The following BCL2 variants were observed in gnomAD, a reference collection of about 807,000 sequenced individuals.
BCL2 encodes BCL2 apoptosis regulator.
Under a neutral mutation model 14.2 loss-of-function variants are expected in BCL2, and 1 was observed. The observed-to-expected ratio is 0.07, with a 90% confidence interval of 0.02 to 0.33. The LOEUF (loss-of-function observed/expected upper bound fraction) is 0.33, where lower values mean the gene tolerates loss of function less well. Among genes scored for constraint, BCL2 ranks in the 10% least tolerant of loss-of-function variants. The pLI is 0.99. For synonymous variants in BCL2, 151 were observed against 137.2 expected (o/e 1.10, Z -0.70); for missense variants, 247 against 305.9 (o/e 0.81, Z 1.44).
chr18:63,263,608 C>T (rs1340108678), intron 2 of BCL2, among the ~76,000 whole-genome samples: 4 of 152,244 alleles, frequency 2.6e-5, no homozygotes, highest in African/African-American at 9.6e-5. Flanking sequence ...TTACTCTTCA[C>T]TGGAAGCAGT....
chr18:63,242,030 A>C (rs2144193650), intron 2 of BCL2, among the ~76,000 whole-genome samples: 1 of 152,316 alleles, frequency 6.6e-6, no homozygotes, highest in South Asian at 2.1e-4. Flanking sequence ...ACATTTTGTG[A>C]GATGGGTGAC....
At chr18:63,234,315 C>A (rs1349792825) in intron 2 of BCL2, among the ~76,000 whole-genome samples, 1 of 152,176 alleles carries the variant, frequency 6.6e-6, no homozygotes, top group Non-Finnish European at 1.5e-5. Context: ...TGTTCAGCTC[C>A]CACTTATAAG....
intron 2 of BCL2, among the ~76,000 whole-genome samples, chr18:63,310,842 T>C (rs894965751): frequency 6.6e-6 from 1 of 152,224 alleles, no homozygotes; most frequent in Non-Finnish European, 1.5e-5. Flanking sequence ...ACTTTAATGT[T>C]TAGTAAGTGG....
intron 2 of BCL2, among the ~76,000 whole-genome samples, chr18:63,261,205 A>T (rs2144224286): frequency 6.6e-6 from 1 of 152,238 alleles, no homozygotes; most frequent in African/African-American, 2.4e-5. Flanking sequence ...AAAGAATCCA[A>T]CCCATCCCAG....
chr18:63,193,019 A>T (rs1016704184), intron 2 of BCL2, among the ~76,000 whole-genome samples: 1 of 152,240 alleles, frequency 6.6e-6, no homozygotes, highest in African/African-American at 2.4e-5. Context: ...GAAATGTCAC[A>T]CTCAACCATT....
intron 2 of BCL2, among the ~76,000 whole-genome samples, chr18:63,250,724 T>G (rs1911286661): frequency 6.6e-6 from 1 of 152,218 alleles, no homozygotes; most frequent in Non-Finnish European, 1.5e-5. Flanking sequence ...TTGCTGTCTT[T>G]TGAAGAATTT....
intron 2 of BCL2, among the ~76,000 whole-genome samples, chr18:63,161,054 T>G (rs1599216652): frequency 6.6e-6 from 1 of 152,148 alleles, no homozygotes; most frequent in African/African-American, 2.4e-5. Flanking sequence ...TTTAAATCAC[T>G]TTTCCAAAAT....
At chr18:63,214,527 G>A (rs1378046917) in intron 2 of BCL2, among the ~76,000 whole-genome samples, 1 of 152,132 alleles carries the variant, frequency 6.6e-6, no homozygotes, top group African/African-American at 2.4e-5. Flanking sequence ...AAAGTCACCT[G>A]TGATGTGTTG....
chr18:63,142,228 G>T (rs72941359), intron 2 of BCL2, among the ~76,000 whole-genome samples: 7,724 of 152,326 alleles, frequency 0.051, 300 homozygotes, highest in Non-Finnish European at 0.077. Flanking sequence ...CTGGAGGAGG[G>T]TATGTAGAAG....
In BCL2 at chr18:63,258,168, G is replaced by T. The variant is rs61085928; in HGVS notation, c.585+59914C>A. 8.9e-3 allele frequency among the ~76,000 whole-genome samples: 1,361 copies of T among 152,098 alleles called. 21 individuals carry two copies. The highest frequency in any genetic ancestry group is 0.031 in the African/African-American group (1,306 of 41,496). On this transcript the variant is annotated intron_variant, in intron 2 of 2. Coordinates refer to ENST00000333681, the MANE Select transcript of BCL2 (RefSeq NM_000633.3). ...GGCACTTCCAGGAGCTGGAAGAGGTGGGGGGTGGATCCCCCTGAGCCTTCA... is the reference window on the plus strand; with the variant it reads ...GGCACTTCCAGGAGCTGGAAGAGGTTGGGGGTGGATCCCCCTGAGCCTTCA...
At chr18:63,156,604 C>T (rs137873334) in intron 2 of BCL2, among the ~76,000 whole-genome samples, 2 of 152,152 alleles carry the variant, frequency 1.3e-5, no homozygotes, top group South Asian at 2.1e-4. Flanking sequence ...ACTGCAAGAA[C>T]GTCCCACCCT....
At chr18:63,227,507 G>A (rs1396722029) in intron 2 of BCL2, among the ~76,000 whole-genome samples, 1 of 152,164 alleles carries the variant, frequency 6.6e-6, no homozygotes, top group Non-Finnish European at 1.5e-5. Context: ...ACCACGCCCA[G>A]CTCTCAAATA....
intron 2 of BCL2, among the ~76,000 whole-genome samples, chr18:63,252,089 A>C (rs1435915902): frequency 6.6e-6 from 1 of 152,222 alleles, no homozygotes; most frequent in African/African-American, 2.4e-5. Context: ...AGAAGCCACA[A>C]GGATAGAATT....
intron 2 of BCL2, among the ~76,000 whole-genome samples, chr18:63,222,868 C>T (rs1210045584): frequency 6.6e-6 from 1 of 152,098 alleles, no homozygotes; most frequent in Non-Finnish European, 1.5e-5. Context: ...ACAACCAATT[C>T]CAGGATTGTT....
At chr18:63,233,701 G>A (rs1484922568) in intron 2 of BCL2, among the ~76,000 whole-genome samples, 1 of 152,088 alleles carries the variant, frequency 6.6e-6, no homozygotes, top group Non-Finnish European at 1.5e-5. Context: ...AACAGGCCAC[G>A]GACCTGTACC....
rs558543120 is a variant in BCL2 at position 63,149,041 on chromosome 18, G to A, written c.586-20282C>T. Among the ~76,000 whole-genome samples, 1 of 152,276 alleles carries A rather than the reference G, an allele frequency of 6.6e-6. No homozygotes were observed. Among genetic ancestry groups the A allele is most frequent in the East Asian group, 1.9e-4 (1 of 5,182 alleles). ...GCTAAACGGGCCTGCCCAGAGCCAC[G>A]AAGTCATAAGTGTGCATGGAGCAGC... On this transcript the variant is annotated intron_variant, in intron 2 of 2. Coordinates refer to ENST00000333681, the MANE Select transcript of BCL2 (RefSeq NM_000633.3). The surrounding 1 kb of genome is among the most constrained non-coding windows in gnomAD (Gnocchi z 4.2).
chr18:63,292,042 G>A (rs952066709), intron 2 of BCL2, among the ~76,000 whole-genome samples: 1 of 152,128 alleles, frequency 6.6e-6, no homozygotes, highest in Admixed American at 6.5e-5. Context: ...GATCATGATA[G>A]TGACAGTGAA....
intron 2 of BCL2, among the ~76,000 whole-genome samples, chr18:63,178,501 C>T: frequency 6.6e-6 from 1 of 152,172 alleles, no homozygotes; most frequent in Non-Finnish European, 1.5e-5. Flanking sequence ...AAACAATTAC[C>T]TGCCTGAGAT....
chr18:63,160,418 A>G (rs971450847), intron 2 of BCL2, among the ~76,000 whole-genome samples: 3 of 152,190 alleles, frequency 2.0e-5, no homozygotes, highest in African/African-American at 7.2e-5. Context: ...TTTAGGCATC[A>G]GAGTTTACAT....
Sources: gnomAD v4.1 joint callset for allele counts (sites outside exome capture counted in the v4.1 genomes callset) on GRCh38, gnomAD v4.1.1 for gene constraint, Gnocchi (gnomAD v3.1) non-coding constraint, MANE v1.5 for transcripts, NCBI Gene and HGNC (gene_info 2026-07-23, HGNC 2026-07-21) for gene names.